ANKRD62: variants seen among roughly 807,000 people sequenced by gnomAD.
The protein encoded by ANKRD62 is ankyrin repeat domain-containing protein 62.
Under a neutral mutation model 98.8 loss-of-function variants are expected in ANKRD62, and 61 were observed. The observed-to-expected ratio is 0.62, with a 90% CI of 0.50 to 0.76. The LOEUF is 0.76. Among genes scored for constraint, ANKRD62 ranks in the 30% least tolerant of loss-of-function variants. The probability of loss-of-function intolerance (pLI) is 0.00; values close to 1 mark genes in which losing one functional copy is unlikely to be tolerated. For synonymous variants in ANKRD62, 341 were observed against 367.9 expected (o/e 0.93, Z 0.84); for missense variants, 933 against 1,082.9 (o/e 0.86, Z 1.94).
intron 10 of ANKRD62, among the ~76,000 whole-genome samples, chr18:12,120,482 C>G (rs1909760919): frequency 6.6e-6 from 1 of 152,104 alleles, no homozygotes; most frequent in African/African-American, 2.4e-5. Flanking sequence ...CAAGTGTTAG[C>G]ACGTATCTTT....
chr18:12,171,634 G>T, the ANKRD62 span, among the ~76,000 whole-genome samples: 7 of 152,010 alleles, frequency 4.6e-5, no homozygotes, highest in African/African-American at 1.7e-4. Flanking sequence ...TGCTCTTCTC[G>T]AGGAGTATCT....
At chr18:12,129,932 T>A (rs1380669031), downstream of ANKRD62, among the ~76,000 whole-genome samples, 2 of 152,190 alleles carry the variant, frequency 1.3e-5, no homozygotes, top group African/African-American at 4.8e-5. Context: ...ATTCTTTGTT[T>A]TAGTTGCAAG....
intron 10 of ANKRD62, among the ~76,000 whole-genome samples, chr18:12,119,235 C>A (rs370851922): frequency 3.3e-5 from 5 of 151,840 alleles, no homozygotes; most frequent in African/African-American, 1.2e-4. Flanking sequence ...TGACATTACT[C>A]ATTTCTGAAA....
chr18:12,128,005 A>G lies in ANKRD62; in HGVS notation c.*66A>G. The G allele has an allele frequency of 9.5e-6, 9 of 943,192 alleles. No homozygotes were observed. Among genetic ancestry groups the G allele is most frequent in the Non-Finnish European group, 1.3e-5 (9 of 719,992 alleles). 58.4% of individuals were successfully genotyped at this position (943,192 alleles called of 1,614,324 possible). ...GTGGAGAGCTTTCTTTTGTATTTTC[A>G]TTATAATTAATTTTATTAAAATTTG... is the stretch of plus-strand genomic sequence containing the variant. On this transcript the variant is annotated 3_prime_UTR_variant, in exon 14 of 14. Coordinates refer to ENST00000587848, the MANE Select transcript of ANKRD62 (RefSeq NM_001277333.2).
At chr18:12,172,079 A>G in the ANKRD62 span, among the ~76,000 whole-genome samples, 2 of 152,122 alleles carry the variant, frequency 1.3e-5, no homozygotes, top group South Asian at 2.1e-4. Flanking sequence ...ATGGGTTTGA[A>G]CATCCTCCTT....
At chr18:12,112,835 C>T (rs1392287058) in intron 8 of ANKRD62, among the ~76,000 whole-genome samples, 1 of 152,164 alleles carries the variant, frequency 6.6e-6, no homozygotes, top group African/African-American at 2.4e-5. Context: ...TGATATCTAA[C>T]ATCTGTAAGA....
chr18:12,170,819 T>C, the ANKRD62 span, among the ~76,000 whole-genome samples: 2 of 152,240 alleles, frequency 1.3e-5, no homozygotes, highest in East Asian at 1.9e-4. Flanking sequence ...TGCTCTTGTA[T>C]TGGGTGCACA....
At chr18:12,168,097 T>C in the ANKRD62 span, among the ~76,000 whole-genome samples, 1 of 152,250 alleles carries the variant, frequency 6.6e-6, no homozygotes, top group Admixed American at 6.5e-5. Context: ...CTGTTCACTC[T>C]GATGGTAGTT....
downstream of ANKRD62, among the ~76,000 whole-genome samples, chr18:12,131,881 G>T (rs1439644815): frequency 6.6e-6 from 1 of 151,970 alleles, no homozygotes; most frequent in Non-Finnish European, 1.5e-5. Context: ...AAACTGGATT[G>T]TATTTTTCCT....
the ANKRD62 span, among the ~76,000 whole-genome samples, chr18:12,167,842 A>G: frequency 3.3e-5 from 5 of 152,180 alleles, no homozygotes; most frequent in African/African-American, 1.2e-4. Context: ...GTGAGATGGT[A>G]TCTCATTGTG....
chr18:12,179,601 G>A, the ANKRD62 span, among the ~76,000 whole-genome samples: 2 of 151,462 alleles, frequency 1.3e-5, no homozygotes, highest in African/African-American at 4.9e-5. Context: ...GCAAATCTTC[G>A]CCTAAAACAG....
chr18:12,171,607 A>G, the ANKRD62 span, among the ~76,000 whole-genome samples: 1 of 152,036 alleles, frequency 6.6e-6, no homozygotes, highest in East Asian at 1.9e-4. Context: ...GAATCTGACA[A>G]TTATGTGTCT....
the ANKRD62 span, among the ~76,000 whole-genome samples, chr18:12,173,363 C>G: frequency 1.3e-5 from 2 of 152,164 alleles, no homozygotes; most frequent in African/African-American, 4.8e-5. Context: ...TTCTCCATCC[C>G]TTTATTTTGA....
downstream of ANKRD62, among the ~76,000 whole-genome samples, chr18:12,133,421 A>T (rs958593285): frequency 6.6e-6 from 1 of 152,186 alleles, no homozygotes; most frequent in African/African-American, 2.4e-5. Flanking sequence ...GTGGGAATCG[A>T]GGTCAAATAG....
At chr18:12,178,211 G>C in the ANKRD62 span, among the ~76,000 whole-genome samples, 1 of 151,380 alleles carries the variant, frequency 6.6e-6, no homozygotes, top group Non-Finnish European at 1.5e-5. Flanking sequence ...ATTACCTGGA[G>C]AGGTGAGGAA....
chr18:12,129,697 G>A lies in ANKRD62; in HGVS notation c.*1758G>A, dbSNP rs1469958790. On this transcript the variant is annotated 3_prime_UTR_variant, in exon 14 of 14. Transcript: ENST00000587848. Reference sequence around the variant, plus strand: ...CGGGAGGCGGAGCTTGCGGTGAGCCGAGACGGTGCCACCGCACTCCAGCCT... The same window carrying A: ...CGGGAGGCGGAGCTTGCGGTGAGCCAAGACGGTGCCACCGCACTCCAGCCT... 3.4e-5 allele frequency: 5 copies of A among 146,650 alleles called. No homozygotes were observed. The highest frequency in any genetic ancestry group is 2.0e-4 in the East Asian group (1 of 4,898). The allele number at this position is 146,650 out of a possible 1,614,324, so 9.1% of individuals were successfully genotyped here.
At chr18:12,175,984 G>A in the ANKRD62 span, among the ~76,000 whole-genome samples, 5 of 151,746 alleles carry the variant, frequency 3.3e-5, no homozygotes, top group Non-Finnish European at 7.4e-5. Context: ...TTGAGGTCAG[G>A]AGTTCAAGAC....
the ANKRD62 span, among the ~76,000 whole-genome samples, chr18:12,171,539 C>A: frequency 6.6e-6 from 1 of 152,140 alleles, no homozygotes; most frequent in Non-Finnish European, 1.5e-5. Flanking sequence ...CTTTGTGGGT[C>A]AACCCAACCT....
chr18:12,174,496 T>C, the ANKRD62 span, among the ~76,000 whole-genome samples: 1 of 152,244 alleles, frequency 6.6e-6, no homozygotes, highest in South Asian at 2.1e-4. Context: ...GTTCTGCTTC[T>C]GTCATTTCAG....
Sources: gnomAD v4.1 joint callset for allele counts (sites outside exome capture counted in the v4.1 genomes callset) on GRCh38, gnomAD v4.1.1 for gene constraint, MANE v1.5 for transcripts, NCBI Gene and HGNC (gene_info 2026-07-23, HGNC 2026-07-21) for gene names.